The following SOD2 variants were observed in gnomAD, a reference collection of about 807,000 sequenced individuals.
SOD2 encodes superoxide dismutase 2, also known as superoxide dismutase [Mn], mitochondrial.
SOD2 carries 11 observed loss-of-function variants against 27.0 expected under a neutral mutation model. The observed-to-expected ratio is 0.41, with a 90% CI of 0.26 to 0.67. The LOEUF (loss-of-function observed/expected upper bound fraction) is 0.67, where lower values mean the gene tolerates loss of function less well. Among genes scored for constraint, SOD2 ranks in the 30% least tolerant of loss-of-function variants. SOD2 has a pLI of 0.34. For synonymous variants in SOD2, 105 were observed against 103.0 expected (o/e 1.02, Z -0.12); for missense variants, 250 against 274.5 (o/e 0.91, Z 0.63).
upstream of SOD2, among the ~76,000 whole-genome samples, chr6:159,697,079 A>ACACACACACACACACG (rs1491257731): frequency 1.3e-5 from 2 of 149,512 alleles, no homozygotes; most frequent in Admixed American, 6.7e-5. Context: ...ACACACACAC[A>ACACACACACACACACG]CGCAGTCAGC....
intron 1 of SOD2, among the ~76,000 whole-genome samples, chr6:159,750,846 C>CCT (rs35685019): frequency 0.74 from 113,331 of 152,128 alleles, 42,878 homozygotes; most frequent in South Asian, 0.85. Context: ...CAGGCAATCC[C>CCT]GTCTGGAATA....
chr6:159,754,244 T>C (rs1779923991), intron 1 of SOD2, among the ~76,000 whole-genome samples: 1 of 152,240 alleles, frequency 6.6e-6, no homozygotes, highest in South Asian at 2.1e-4. Context: ...TAATTTCTTC[T>C]GAACTACCTA....
chr6:159,685,628 C>T (rs891086699), intron 3 of SOD2, among the ~76,000 whole-genome samples: 6 of 151,966 alleles, frequency 3.9e-5, no homozygotes, highest in Non-Finnish European at 8.8e-5. Context: ...GCAATTGATG[C>T]CATCACCCAG....
At position 159,693,214 on chromosome 6, in the gene SOD2, C is replaced by A. The variant is rs199543686; in HGVS notation, c.-47G>T. On this transcript the variant is annotated 5_prime_UTR_variant, in exon 1 of 5. Coordinates refer to ENST00000538183, the MANE Select transcript of SOD2 (RefSeq NM_000636.4). ...GCTGATGCCGCCGATCTGCTGAAGC[C>A]GCTGCCGAAGCCACCACAGCCACGA... 4.2e-5 allele frequency: 63 copies of A among 1,501,428 alleles called. No individual in the cohort carries two copies. In the Middle Eastern group the frequency reaches 5.9e-4, roughly 14 times the overall value. The allele number at this position is 1,501,428 out of a possible 1,614,324, so 93.0% of individuals were successfully genotyped here. A position where few individuals can be genotyped will look rare whatever the true frequency, so the allele number is the denominator to read the frequency against.
chr6:159,762,241 G>C (rs1168904607), exon 1 of SOD2: 1 of 1,427,410 alleles, frequency 7.0e-7, no homozygotes, highest in Admixed American at 2.5e-5. Flanking sequence ...GTATGTGGAG[G>C]AAGCCGGTCA....
At chr6:159,761,380 C>T in exon 1 of SOD2, 1 of 358,684 alleles carries the variant, frequency 2.8e-6, no homozygotes, top group Non-Finnish European at 5.5e-6. Context: ...CAAACGTCAA[C>T]CAAAGGAACT....
upstream of SOD2, chr6:159,748,609 T>A (rs1175481318): frequency 1.1e-4 from 147 of 1,308,014 alleles, no homozygotes; most frequent in Non-Finnish European, 1.4e-4. This position sits in a 1 kb window ranked among gnomAD's most constrained non-coding sequence, Gnocchi z 5.6. Flanking sequence ...GGCGTCGGAC[T>A]ATTCCGAAGA....
At chr6:159,732,886 A>ATAGTGT (rs146623701) in intron 1 of SOD2, among the ~76,000 whole-genome samples, 145 of 146,484 alleles carry the variant, frequency 9.9e-4, no homozygotes, top group African/African-American at 2.8e-3. Flanking sequence ...ATATATATAT[A>ATAGTGT]GTGTGTGTGT....
At chr6:159,684,745 T>G (rs1030857725) in intron 4 of SOD2, 109 bp downstream of exon 4, 5 of 836,312 alleles carry the variant, frequency 6.0e-6, no homozygotes, top group Non-Finnish European at 9.0e-6. Flanking sequence ...CTGTTAAGAT[T>G]TGCAAATTAT....
At chr6:159,756,729 G>C (rs1780019573) in intron 1 of SOD2, among the ~76,000 whole-genome samples, 1 of 151,070 alleles carries the variant, frequency 6.6e-6, no homozygotes, top group African/African-American at 2.4e-5. Flanking sequence ...AGGCTTCCGA[G>C]TACCTGAGAC....
chr6:159,757,879 CCTGTT>C (rs1214182549), intron 1 of SOD2, among the ~76,000 whole-genome samples: 4 of 152,246 alleles, frequency 2.6e-5, no homozygotes, highest in Non-Finnish European at 4.4e-5. Flanking sequence ...ATTTCTCTGT[CCTGTT>C]GGTGTAATGT....
chr6:159,712,367 T>A (rs1377279097), intron 1 of SOD2, among the ~76,000 whole-genome samples: 48 of 110,886 alleles, frequency 4.3e-4, no homozygotes, highest in African/African-American at 1.4e-3. Context: ...TCAGCTGCTC[T>A]GACCTCCATA....
chr6:159,701,216 C>T (rs1379636465), intron 1 of SOD2, among the ~76,000 whole-genome samples: 5 of 152,156 alleles, frequency 3.3e-5, no homozygotes, highest in Admixed American at 1.3e-4. Context: ...AGAGAAGGCA[C>T]CTGCCAGCTG....
intron 1 of SOD2, among the ~76,000 whole-genome samples, chr6:159,717,895 ATATGTGTG>A (rs889802997): frequency 3.8e-5 from 3 of 78,586 alleles, no homozygotes; most frequent in Admixed American, 1.6e-4. Flanking sequence ...ATATGTATGG[ATATGTGTG>A]TGTGTGTGTG....
At chr6:159,683,519 C>A (rs1157685135) in intron 4 of SOD2, among the ~76,000 whole-genome samples, 1 of 152,102 alleles carries the variant, frequency 6.6e-6, no homozygotes, top group Non-Finnish European at 1.5e-5. Context: ...AATTATAGCT[C>A]TCTCTACAAA....
intron 4 of SOD2, among the ~76,000 whole-genome samples, chr6:159,683,493 A>G (rs1002898328): frequency 6.6e-6 from 1 of 152,198 alleles, no homozygotes; most frequent in African/African-American, 2.4e-5. Flanking sequence ...ACGCACACAC[A>G]AAAACACTCA....
intron 1 of SOD2, among the ~76,000 whole-genome samples, chr6:159,720,868 TTTTTTTGA>T (rs1182925248): frequency 7.6e-6 from 1 of 132,184 alleles, no homozygotes; most frequent in African/African-American, 2.9e-5. Context: ...TTTTTTTTTT[TTTTTTTGA>T]GACAGTGTCT....
At chr6:159,693,279 G>T (rs5746092), upstream of SOD2, 13 of 985,800 alleles carry the variant, frequency 1.3e-5, no homozygotes, top group East Asian at 6.7e-5. Flanking sequence ...AAGAAAGCGC[G>T]GGGAGCAGGG....
chr6:159,761,976 G>C, exon 1 of SOD2: 4 of 1,236,832 alleles, frequency 3.2e-6, no homozygotes, highest in Non-Finnish European at 4.6e-6. Flanking sequence ...GGAGGTGGAG[G>C]GCGAGGGGCG....
Sources: gnomAD v4.1 joint callset for allele counts (sites outside exome capture counted in the v4.1 genomes callset) on GRCh38, gnomAD v4.1.1 for gene constraint, Gnocchi (gnomAD v3.1) non-coding constraint, MANE v1.5 for transcripts, NCBI Gene and HGNC (gene_info 2026-07-23, HGNC 2026-07-21) for gene names.